IL2RB: variants seen among roughly 807,000 people sequenced by gnomAD.
IL2RB encodes interleukin 2 receptor subunit beta.
In IL2RB, 17 loss-of-function variants were observed where a neutral mutation model predicts 44.2. That is an observed-to-expected ratio of 0.38 (90% CI 0.26 to 0.58). The LOEUF (loss-of-function observed/expected upper bound fraction) is 0.58, where lower values mean the gene tolerates loss of function less well. Among genes scored for constraint, IL2RB ranks in the 20% least tolerant of loss-of-function variants. IL2RB has a pLI of 0.63. For synonymous variants in IL2RB, 286 were observed against 297.9 expected (o/e 0.96, Z 0.41); for missense variants, 624 against 685.5 (o/e 0.91, Z 1.00).
intron 4 of IL2RB, among the ~76,000 whole-genome samples, chr22:37,142,085 C>G (rs145734916): frequency 6.6e-6 from 1 of 152,156 alleles, no homozygotes; most frequent in Non-Finnish European, 1.5e-5. Context: ...GCCAAGCCCC[C>G]GGGAAGAGCT....
At chr22:37,166,926 G>A (rs998521524) in intron 1 of IL2RB, 1 of 152,152 alleles carries the variant, frequency 6.6e-6, no homozygotes, top group African/African-American at 2.4e-5. Flanking sequence ...ACCTGCAAGG[G>A]ATCTCGGAGG....
Position 37,136,387 on chromosome 22 carries a change from G to T in IL2RB, c.544C>A (p.Pro182Thr), listed in dbSNP as rs755401765. ...TGCTTCTGCTTGAGAGTCAGCAGGGGGGCCTCCTGGGTCGGAGACAGGACT... is the reference window on the plus strand; with the variant it reads ...TGCTTCTGCTTGAGAGTCAGCAGGGTGGCCTCCTGGGTCGGAGACAGGACT... ...LSPGHTWEEA[P>T]LLTLKQKQEW... The change falls in exon 7 of 10, where the codon CCC becomes ACC. Residue 182 changes from proline to threonine, a missense_variant. Pro to Thr is a conservative substitution (Grantham distance 38, BLOSUM62 -1). Coordinates refer to ENST00000216223, the MANE Select transcript of IL2RB (RefSeq NM_000878.5). The T allele has an allele frequency of 6.2e-7, 1 of 1,608,648 alleles. No individual in the cohort carries two copies. The highest frequency in any genetic ancestry group is 2.2e-5 in the East Asian group (1 of 44,612).
At chr22:37,149,090 C>G (rs1304307993) in intron 1 of IL2RB, among the ~76,000 whole-genome samples, 1 of 152,124 alleles carries the variant, frequency 6.6e-6, no homozygotes, top group Non-Finnish European at 1.5e-5. Context: ...CCTCACTCCA[C>G]CTCCCTCCCC....
chr22:37,135,971 AG>A (rs1437398494), intron 7 of IL2RB, among the ~76,000 whole-genome samples: 1 of 152,152 alleles, frequency 6.6e-6, no homozygotes, highest in Non-Finnish European at 1.5e-5. Flanking sequence ...AGAAACCAGG[AG>A]TTGGAGATTT....
Position 37,139,322 on chromosome 22 carries a change from A to G in IL2RB, c.283-100T>C, listed in dbSNP as rs919440811. The G allele has an allele frequency of 5.4e-6, 4 of 738,920 alleles. No homozygotes were observed. The African/African-American group carries it at 7.0e-5, about 13-fold the overall frequency. 45.8% of individuals were successfully genotyped at this position (738,920 alleles called of 1,614,324 possible). A position where few individuals can be genotyped will look rare whatever the true frequency, so the allele number is the denominator to read the frequency against. On this transcript the variant is annotated intron_variant, in intron 4 of 9. Transcript: ENST00000216223. The stretch of plus-strand genomic sequence containing the variant: ...CTGGGAAGGATGGCAGCCTCTCCAC[A>G]TGCCCCGCCACCCAAGGCAGGGGCA...
At chr22:37,171,832 C>T (rs1307589772) in intron 1 of IL2RB, among the ~76,000 whole-genome samples, 2 of 152,194 alleles carry the variant, frequency 1.3e-5, no homozygotes, top group Non-Finnish European at 2.9e-5. Flanking sequence ...CTTCACCTTT[C>T]CTCCTAGAAA....
At chr22:37,168,970 C>T (rs531917571) in intron 1 of IL2RB, among the ~76,000 whole-genome samples, 11 of 142,864 alleles carry the variant, frequency 7.7e-5, no homozygotes, top group East Asian at 4.3e-4. Context: ...GAGGGGTTCT[C>T]GCTTACAGAG....
At chr22:37,160,369 G>A (rs1203315870) in intron 1 of IL2RB, among the ~76,000 whole-genome samples, 1 of 152,196 alleles carries the variant, frequency 6.6e-6, no homozygotes, top group East Asian at 1.9e-4. Context: ...CCAGTACCAC[G>A]CAGCATGATC....
chr22:37,155,502 ACT>A (rs1194896385), intron 1 of IL2RB, among the ~76,000 whole-genome samples: 1 of 151,612 alleles, frequency 6.6e-6, no homozygotes, highest in African/African-American at 2.4e-5. Flanking sequence ...GTGCTTTCTC[ACT>A]CTGTCAGGGC....
At chr22:37,153,693 G>A (rs983504877), upstream of IL2RB, among the ~76,000 whole-genome samples, 2 of 152,152 alleles carry the variant, frequency 1.3e-5, no homozygotes, top group African/African-American at 2.4e-5. Flanking sequence ...TAGGAACGCC[G>A]GTTGTCTCAG....
chr22:37,131,956 G>T (rs1275954702), intron 9 of IL2RB, among the ~76,000 whole-genome samples: 2 of 152,014 alleles, frequency 1.3e-5, no homozygotes, highest in Non-Finnish European at 2.9e-5. Context: ...GGCTGGTCTC[G>T]AACTCCTGAC....
chr22:37,166,918 C>G (rs967032900), intron 1 of IL2RB: 6 of 152,116 alleles, frequency 3.9e-5, no homozygotes, highest in Non-Finnish European at 7.3e-5. Context: ...ACCAGCAGAC[C>G]TGCAAGGGAT....
upstream of IL2RB, among the ~76,000 whole-genome samples, chr22:37,153,373 C>T (rs775118143): frequency 2.0e-5 from 3 of 152,216 alleles, no homozygotes; most frequent in Non-Finnish European, 4.4e-5. Context: ...AAAGAAGAAG[C>T]GTGGAGCACT....
chr22:37,137,635 T>C lies in IL2RB; in HGVS notation c.489A>G (p.Arg163=), dbSNP rs1294712512. Residue 163 remains arginine (R), a synonymous_variant, in exon 6 of 10, where the codon AGA becomes AGG. Transcript: ENST00000216223. The stretch of plus-strand genomic sequence containing the variant: ...GCGTCCGGGCCTCGAACTCCAGGTG[T>C]CTTTCAAAGTAGTGGGAGGCTTGGG... ...EISQASHYFE[R]HLEFEARTLS... The C allele has an allele frequency of 3.1e-6, 5 of 1,614,144 alleles. No individual in the cohort carries two copies. Among genetic ancestry groups the C allele is most frequent in the Non-Finnish European group, 4.2e-6 (5 of 1,180,016 alleles).
Position 37,149,843 on chromosome 22 carries a change from G to A in IL2RB, c.-52C>T, listed in dbSNP as rs540304329. 2.5e-5 allele frequency: 25 copies of A among 985,668 alleles called. No homozygotes were observed. Among genetic ancestry groups the A allele is most frequent in the Middle Eastern group, 5.2e-4 (1 of 1,916 alleles). 61.1% of individuals were successfully genotyped at this position (985,668 alleles called of 1,614,324 possible). ...ACATCACCTGGCTGAGACATGGGGC[G>A]GTGGCAGCGCGCGCTCTCCAGTCCT... On this transcript the variant is annotated 5_prime_UTR_variant, in exon 1 of 10. Coordinates refer to ENST00000216223, the MANE Select transcript of IL2RB (RefSeq NM_000878.5).
intron 9 of IL2RB, among the ~76,000 whole-genome samples, chr22:37,132,061 C>T (rs1335893501): frequency 2.0e-5 from 3 of 152,088 alleles, no homozygotes; most frequent in Admixed American, 1.3e-4. Context: ...ACACTAACTG[C>T]GTGCCAGGCA....
intron 1 of IL2RB, among the ~76,000 whole-genome samples, chr22:37,169,309 T>C (rs1447383403): frequency 4.2e-5 from 6 of 142,226 alleles, no homozygotes; most frequent in African/African-American, 1.5e-4. Flanking sequence ...GGGGTTCTTG[T>C]TTACACGTTT....
At chr22:37,137,803 C>A in intron 5 of IL2RB, 68 bp from the exon 6 acceptor site, 1 of 1,410,468 alleles carries the variant, frequency 7.1e-7, no homozygotes. Flanking sequence ...GTACCTGCCA[C>A]TCCTCCCTCC....
intron 1 of IL2RB, among the ~76,000 whole-genome samples, chr22:37,171,803 A>T (rs1034418): frequency 0.89 from 135,161 of 152,248 alleles, 61,755 homozygotes; most frequent in East Asian, 1. Flanking sequence ...CAGAATAGAA[A>T]GCTGCTCACA....
Sources: gnomAD v4.1 joint callset for allele counts (sites outside exome capture counted in the v4.1 genomes callset) on GRCh38, gnomAD v4.1.1 for gene constraint, MANE v1.5 for transcripts, NCBI Gene and HGNC (gene_info 2026-07-23, HGNC 2026-07-21) for gene names.